PHF20: variants seen among roughly 807,000 people sequenced by gnomAD.
The protein encoded by PHF20 is PHD finger protein 20.
In PHF20, 23 loss-of-function variants were observed where a neutral mutation model predicts 113.5. The ratio of observed to expected loss-of-function variants is 0.20; its 90% CI spans 0.15 to 0.29. PHF20 has a LOEUF of 0.29. Among genes scored for constraint, PHF20 ranks in the 10% least tolerant of loss-of-function variants. The probability of loss-of-function intolerance (pLI) is 1.00; values close to 1 mark genes in which losing one functional copy is unlikely to be tolerated. For synonymous variants in PHF20, 434 were observed against 457.3 expected, an observed-to-expected ratio of 0.95 and a Z score of 0.65; for missense variants, 943 against 1,219.6, an observed-to-expected ratio of 0.77 and a Z score of 3.38.
At chr20:35,808,094 C>A (rs1398381752) in intron 2 of PHF20, among the ~76,000 whole-genome samples, 1 of 152,098 alleles carries the variant, frequency 6.6e-6, no homozygotes, top group African/African-American at 2.4e-5. Flanking sequence ...AGTCTTGTAT[C>A]TGGTCTTACA....
rs531598055 is a variant in PHF20, at chr20:35,861,591, G to A, written c.421-1422G>A. Among the ~76,000 whole-genome samples the A allele has an allele frequency of 3.0e-3, 457 of 152,164 alleles. 2 individuals are homozygous for A. Among genetic ancestry groups the A allele is most frequent in the Middle Eastern group, 6.8e-3 (2 of 294 alleles). On this transcript the variant is annotated intron_variant, in intron 5 of 17. Coordinates refer to ENST00000374012, the MANE Select transcript of PHF20 (RefSeq NM_016436.5). ...TCATTAAGGATATTTGTAAATCCAG[G>A]TACACAAGTCTGATTATTATTTTAG...
intron 13 of PHF20, among the ~76,000 whole-genome samples, chr20:35,921,807 T>G (rs1568770530): frequency 6.6e-6 from 1 of 152,216 alleles, no homozygotes; most frequent in Non-Finnish European, 1.5e-5. Flanking sequence ...GTTTCTACTC[T>G]GTCATCCTTG....
intron 9 of PHF20, 100 bp from the exon 10 acceptor site, chr20:35,899,270 C>T (rs934261449): frequency 7.3e-6 from 7 of 956,446 alleles, no homozygotes; most frequent in Non-Finnish European, 1.1e-5. Context: ...GCTACATTTG[C>T]ACGCTAGTCT....
At position 35,917,592 on chromosome 20, in the gene PHF20, A is replaced by G. The variant is rs1365405237; in HGVS notation, c.1934A>G (p.Asp645Gly). ...TTNPDEELDG[D>G]DRYDFEVVRC... ...AACCCAGATGAGGAACTTGATGGGG[A>G]TGACCGCTATGACTTCGAGGTGGTC... Residue 645 changes from aspartate to glycine, a missense_variant, in exon 13 of 18, where the codon GAT becomes GGT. Around this residue, in one of 3 missense-constraint regions of PHF20, gnomAD observed 592 missense variants for 787.2 expected, o/e 0.75. Transcript: ENST00000374012. 6.8e-6 allele frequency: 11 copies of G among 1,613,742 alleles called. No homozygotes were observed. Among genetic ancestry groups the G allele is most frequent in the Non-Finnish European group, 9.3e-6 (11 of 1,179,802 alleles).
At chr20:35,814,492 C>T (rs538990454) in intron 2 of PHF20, among the ~76,000 whole-genome samples, 28 of 151,512 alleles carry the variant, frequency 1.8e-4, no homozygotes, top group African/African-American at 6.5e-4. Flanking sequence ...GCTGGGATTA[C>T]AGGCGTGAAC....
At position 35,947,649 on chromosome 20, in the gene PHF20, G is replaced by A; in HGVS notation, c.*22G>A. 1.9e-6 allele frequency: 3 copies of A among 1,609,092 alleles called. No individual in the cohort carries two copies. The highest frequency in any genetic ancestry group is 1.7e-5 in the Admixed American group (1 of 59,884). ...ATGAAACTGGGCACCCAAAACTCAT[G>A]GGGGCACAATCCTGGGGCACCTGCA... On this transcript the variant is annotated 3_prime_UTR_variant, in exon 18 of 18. Coordinates refer to ENST00000374012, the MANE Select transcript of PHF20 (RefSeq NM_016436.5).
intron 10 of PHF20, 74 bp downstream of exon 10, chr20:35,899,722 A>G: frequency 2.0e-6 from 3 of 1,471,936 alleles, no homozygotes; most frequent in Non-Finnish European, 2.8e-6. Flanking sequence ...TTTCTGACAC[A>G]CAAAGCAGGC....
Position 35,812,414 on chromosome 20 carries a change from G to A in PHF20, c.83+10809G>A, listed in dbSNP as rs538185051. Among the ~76,000 whole-genome samples, 569 of 152,148 alleles carry A rather than the reference G, an allele frequency of 3.7e-3. 3 individuals carry two copies. The highest frequency in any genetic ancestry group is 5.6e-3 in the Non-Finnish European group (380 of 67,994). Reference sequence around the variant, plus strand: ...AGCCTGGGAGACAGAGCGAGACTCCGTCTCAAAAAAATAAAAAAATTTTTC... The same window carrying A: ...AGCCTGGGAGACAGAGCGAGACTCCATCTCAAAAAAATAAAAAAATTTTTC... On this transcript the variant is annotated intron_variant, in intron 2 of 17. Transcript: ENST00000374012.
intron 2 of PHF20, among the ~76,000 whole-genome samples, chr20:35,806,791 CTTTTTTTTTTTTTT>C (rs751352334): frequency 8.8e-4 from 99 of 113,014 alleles, no homozygotes; most frequent in African/African-American, 3.2e-3. Flanking sequence ...GACCTTTACT[CTTTTTTTTTTTTTT>C]TTTTTTTTGA....
rs377679435 is a variant in PHF20, at chr20:35,899,249, T to C, written c.1283-121T>C. ...GTAATTTGAGGAGGTAATGGCAGTC[T>C]GATGTCTCAGGCTACATTTGCACGC... On this transcript the variant is annotated intron_variant, in intron 9 of 17. Transcript: ENST00000374012. 6.7e-6 allele frequency: 5 copies of C among 748,764 alleles called. No individual in the cohort carries two copies. The African/African-American group carries it at 8.9e-5, about 13-fold the overall frequency. The allele number at this position is 748,764 out of a possible 1,614,324, so 46.4% of individuals were successfully genotyped here.
chr20:35,805,313 C>T (rs1160050409), intron 2 of PHF20, among the ~76,000 whole-genome samples: 2 of 151,368 alleles, frequency 1.3e-5, no homozygotes, highest in African/African-American at 4.9e-5. Flanking sequence ...AGTCCTCCTG[C>T]TTCAGCTGGG....
chr20:35,921,696 CA>C (rs1555801994), intron 13 of PHF20, among the ~76,000 whole-genome samples: 4 of 140,912 alleles, frequency 2.8e-5, no homozygotes, highest in Admixed American at 7.3e-5. Context: ...CCCTCCCCCC[CA>C]AAAAAAAGAA....
At chr20:35,844,543 C>CCACACACA (rs61622083) in intron 3 of PHF20, among the ~76,000 whole-genome samples, 179 of 117,714 alleles carry the variant, frequency 1.5e-3, no homozygotes, top group East Asian at 5.0e-3. Flanking sequence ...TTCACCATCA[C>CCACACACA]CACACACACA....
At chr20:35,837,253 A>G (rs1241001096) in intron 2 of PHF20, among the ~76,000 whole-genome samples, 1 of 152,238 alleles carries the variant, frequency 6.6e-6, no homozygotes, top group Non-Finnish European at 1.5e-5. Context: ...TATACAAGTA[A>G]TATTTAACTA....
At position 35,931,518 on chromosome 20, in the gene PHF20, G is replaced by A. The variant is rs532316324; in HGVS notation, c.2300+74G>A. ...GGGGGCTGAGTAAATCTGAGAAATT[G>A]GAAAGCTACCAAAGCAATCAAATCA... On this transcript the variant is annotated intron_variant, in intron 15 of 17. Transcript: ENST00000374012. 9 of 1,166,664 alleles carry A rather than the reference G, an allele frequency of 7.7e-6. No individual in the cohort carries two copies. The Admixed American group carries it at 9.0e-5, about 12-fold the overall frequency. 72.3% of individuals were successfully genotyped at this position (1,166,664 alleles called of 1,614,324 possible).
chr20:35,941,723 TG>T (rs1178501079), intron 17 of PHF20, among the ~76,000 whole-genome samples: 1 of 152,240 alleles, frequency 6.6e-6, no homozygotes, highest in East Asian at 1.9e-4. Flanking sequence ...GGGTACAGTC[TG>T]GCTATGATTT....
At chr20:35,871,943 T>C (rs902614905) in intron 9 of PHF20, 114 bp downstream of exon 9, 8 of 688,880 alleles carry the variant, frequency 1.2e-5, no homozygotes, top group Non-Finnish European at 1.6e-5. Flanking sequence ...TTTATTAATA[T>C]TCCCTTATCA....
chr20:35,856,340 G>A (rs2042826704), intron 4 of PHF20: 1 of 152,144 alleles, frequency 6.6e-6, no homozygotes, highest in Non-Finnish European at 1.5e-5. Flanking sequence ...AGTGGTTCTT[G>A]GACTTTGGTG....
chr20:35,928,643 C>G (rs959755995), intron 14 of PHF20: 3 of 151,998 alleles, frequency 2.0e-5, no homozygotes, highest in African/African-American at 7.3e-5. Context: ...CTGTATTGTT[C>G]CTGTTTTAGT....
Sources: allele counts gnomAD v4.1 joint callset (sites outside exome capture counted in the v4.1 genomes callset), GRCh38; gene constraint gnomAD v4.1.1; regional missense constraint gnomAD v4.1.1; transcripts MANE v1.5; gene names NCBI Gene and HGNC (gene_info 2026-07-23, HGNC 2026-07-21).